Variants in UNC80 observed in about 807,000 individuals in gnomAD.
UNC80 encodes the protein protein unc-80 homolog.
A neutral mutation model predicts 384.6 loss-of-function variants in UNC80; 164 were observed. The observed-to-expected ratio is 0.43, with a 90% CI of 0.38 to 0.49. UNC80 has a LOEUF of 0.49. Ranked by LOEUF, UNC80 falls within the 20% of genes least tolerant of loss-of-function variation. The pLI is 0.00. For synonymous variants in UNC80, 1,486 were observed against 1,527.8 expected, an observed-to-expected ratio of 0.97 and a Z score of 0.64; for missense variants, 3,330 against 4,143.0, an observed-to-expected ratio of 0.80 and a Z score of 5.39.
chr2:209,939,976 G>A (rs1307765859), intron 43 of UNC80, among the ~76,000 whole-genome samples: 2 of 152,104 alleles, frequency 1.3e-5, no homozygotes, highest in Non-Finnish European at 2.9e-5. Flanking sequence ...CAGATTGCGG[G>A]GCCCCACGCT....
At position 209,815,387 on chromosome 2, in the gene UNC80, A is replaced by T. The variant is rs989111340; in HGVS notation, c.1331A>T (p.Lys444Ile). The change falls in exon 9 of 65, where the codon AAA (lysine) becomes ATA (isoleucine). Residue 444 changes from lysine to isoleucine, a missense_variant. Lys to Ile is a moderately radical substitution (Grantham distance 102). Transcript: ENST00000673920. ...TCAGACCTGGGCATGAATATTTTTA[A>T]AAAGGTGAGTAGAAATGCTTATGCT... ...LSSDLGMNIF[K>I]KFKSRKEDRE... 6.4e-7 allele frequency: 1 copy of T among 1,550,952 alleles called. No individual in the cohort carries two copies. Among genetic ancestry groups the T allele is most frequent in the Admixed American group, 2.0e-5 (1 of 50,800 alleles).
chr2:209,794,918 A>G (rs1392881142), intron 7 of UNC80: 1 of 397,084 alleles, frequency 2.5e-6, no homozygotes, highest in Non-Finnish European at 5.0e-6. Flanking sequence ...ATGAACTAAT[A>G]TAGTAAATTG....
chr2:209,831,373 A>G (rs2153828622), intron 15 of UNC80, 70 bp from the exon 16 acceptor site: 1 of 1,441,396 alleles, frequency 6.9e-7, no homozygotes, highest in Non-Finnish European at 9.2e-7. Flanking sequence ...GGTGCCAAGT[A>G]CTGCCTTACT....
chr2:209,988,728 T>C (rs985921211), intron 61 of UNC80, among the ~76,000 whole-genome samples: 6 of 152,140 alleles, frequency 3.9e-5, no homozygotes, highest in Admixed American at 3.9e-4. Context: ...AGCTTATAAA[T>C]TACTTCCTTG....
rs2092866672 is a variant in UNC80 at position 209,970,963 on chromosome 2, A to G, written c.8256+6A>G. On this transcript the variant is annotated splice_donor_region_variant and intron_variant, in intron 54 of 64. Transcript: ENST00000673920. Reference sequence around the variant, plus strand: ...TTGTAGCATTGCAGATACAGGTGTGACTGCCTTACCTGTTTGTCACGCTCA... The same window carrying G: ...TTGTAGCATTGCAGATACAGGTGTGGCTGCCTTACCTGTTTGTCACGCTCA... 6.4e-7 allele frequency: 1 copy of G among 1,550,550 alleles called. No homozygotes were observed.
In UNC80 at chr2:209,976,854, A is replaced by G. The variant is rs929932238; in HGVS notation, c.8773-59A>G. The G allele has an allele frequency of 7.5e-6, 11 of 1,458,848 alleles. No individual in the cohort carries two copies. Among genetic ancestry groups the G allele is most frequent in the Non-Finnish European group, 9.2e-6 (10 of 1,085,536 alleles). The allele number at this position is 1,458,848 out of a possible 1,614,324, so 90.4% of individuals were successfully genotyped here. A position where few individuals can be genotyped will look rare whatever the true frequency, so the allele number is the denominator to read the frequency against. ...TCACAACAATGAAATAGGTACAGCA[A>G]TTAGCCCATTTTATGGATGGAAAAT... On this transcript the variant is annotated intron_variant, in intron 57 of 64. Coordinates refer to ENST00000673920, the MANE Select transcript of UNC80 (RefSeq NM_001371986.1). The surrounding 1 kb of genome is among the most constrained non-coding windows in gnomAD (Gnocchi z 4.3).
At chr2:209,972,556 C>T (rs187303143) in intron 55 of UNC80, among the ~76,000 whole-genome samples, 2 of 152,266 alleles carry the variant, frequency 1.3e-5, no homozygotes, top group African/African-American at 4.8e-5. Flanking sequence ...AAAGTCATTT[C>T]AGTACAGCAA....
chr2:209,807,879 A>G (rs569354890), intron 7 of UNC80, among the ~76,000 whole-genome samples: 1 of 152,252 alleles, frequency 6.6e-6, no homozygotes, highest in Non-Finnish European at 1.5e-5. Context: ...GTGATTGGAT[A>G]ACACCTTAAA....
At chr2:209,969,735 C>G in intron 52 of UNC80, 33 bp from the exon 53 acceptor site, 2 of 1,550,744 alleles carry the variant, frequency 1.3e-6, no homozygotes, top group Non-Finnish European at 1.7e-6. Context: ...AGAAGGGAGC[C>G]AAGACGCTAA....
chr2:209,954,316 C>A (rs1477825486), intron 48 of UNC80, 46 bp downstream of exon 48: 4 of 1,355,484 alleles, frequency 3.0e-6, no homozygotes, highest in Admixed American at 6.7e-5. Flanking sequence ...TCATATGTTT[C>A]CACTGAAAAA....
chr2:209,864,980 G>A (rs1483146831), intron 22 of UNC80, among the ~76,000 whole-genome samples: 1 of 152,178 alleles, frequency 6.6e-6, no homozygotes, highest in South Asian at 2.1e-4. Context: ...GCGTGAGTTC[G>A]TGAGGGGCAT....
intron 54 of UNC80, 143 bp from the exon 55 acceptor site, chr2:209,972,058 G>T (rs2092901654): frequency 2.1e-6 from 2 of 939,220 alleles, no homozygotes; most frequent in South Asian, 4.5e-5. Context: ...AGTGAAGCTT[G>T]TATGCTGTAC....
At chr2:209,964,769 G>A (rs1456198506) in intron 51 of UNC80, among the ~76,000 whole-genome samples, 1 of 143,432 alleles carries the variant, frequency 7.0e-6, no homozygotes, top group Non-Finnish European at 1.5e-5. Flanking sequence ...CCTGGTGACA[G>A]AGTGAGACTC....
Position 209,973,131 on chromosome 2 carries a change from A to G in UNC80, c.8448A>G (p.Pro2816=). ...AGACAGTCATCAATGTACTCCTCCC[A>G]CCGCGGATCATCAGCACATCCAGGA... ...LLQTVINVLL[P]PRIISTSRSK... is the part of the protein sequence containing the mutation. Residue 2816 remains proline (P), a synonymous_variant, in exon 56 of 65, where the codon CCA becomes CCG. Transcript: ENST00000673920. The G allele has an allele frequency of 6.5e-7, 1 of 1,549,872 alleles. No individual in the cohort carries two copies. Among genetic ancestry groups the G allele is most frequent in the Non-Finnish European group, 8.7e-7 (1 of 1,146,312 alleles).
intron 2 of UNC80, 28 bp from the exon 3 acceptor site, chr2:209,775,861 C>CTTATTG: frequency 6.2e-7 from 1 of 1,601,838 alleles, no homozygotes; most frequent in Non-Finnish European, 8.5e-7. Context: ...TTTGGCTTTT[C>CTTATTG]TTATTGTTTT....
intron 4 of UNC80, among the ~76,000 whole-genome samples, chr2:209,782,543 A>G (rs2077208454): frequency 6.6e-6 from 1 of 151,962 alleles, no homozygotes; most frequent in African/African-American, 2.4e-5. Context: ...CTCCCCTACT[A>G]GATTCTAAAT....
At chr2:209,836,544 C>T (rs1044660805) in intron 18 of UNC80, among the ~76,000 whole-genome samples, 2 of 152,222 alleles carry the variant, frequency 1.3e-5, no homozygotes, top group African/African-American at 4.8e-5. Flanking sequence ...TTTAGCACAT[C>T]TATTCTTTCT....
chr2:209,813,961 A>C, intron 8 of UNC80, 120 bp downstream of exon 8: 1 of 1,269,956 alleles, frequency 7.9e-7, no homozygotes, highest in South Asian at 1.6e-5. Context: ...GGTGGGTTAC[A>C]CTGTTTCTAT....
In UNC80 at chr2:209,881,095, G is replaced by C. The variant is rs371905161; in HGVS notation, c.4110+1G>C. The C allele has an allele frequency of 1.9e-6, 3 of 1,551,606 alleles. No homozygotes were observed. Among genetic ancestry groups the C allele is most frequent in the Non-Finnish European group, 1.7e-6 (2 of 1,146,952 alleles). On this transcript the variant is annotated splice_donor_variant, in intron 25 of 64. Coordinates refer to ENST00000673920, the MANE Select transcript of UNC80 (RefSeq NM_001371986.1). LOFTEE classifies it high-confidence loss of function. ...CAGACCTCGCACTGAGCCTCTGGTGGTAAGTTAAAGCATGCAAGTTAATAA... is the reference window on the plus strand; with the variant it reads ...CAGACCTCGCACTGAGCCTCTGGTGCTAAGTTAAAGCATGCAAGTTAATAA...
Sources: allele counts gnomAD v4.1 joint callset (sites outside exome capture counted in the v4.1 genomes callset), GRCh38; gene constraint gnomAD v4.1.1; non-coding constraint Gnocchi (gnomAD v3.1); transcripts MANE v1.5; gene names NCBI Gene and HGNC (gene_info 2026-07-23, HGNC 2026-07-21).